RBPJ: variants seen among roughly 807,000 people sequenced by gnomAD.
RBPJ encodes recombination signal binding protein for immunoglobulin kappa J region.
A neutral mutation model predicts 67.8 loss-of-function variants in RBPJ; 9 were observed. The observed-to-expected ratio is 0.13, with a 90% CI of 0.08 to 0.23. RBPJ has a LOEUF of 0.23. Among genes scored for constraint, RBPJ ranks in the 10% least tolerant of loss-of-function variants. The pLI is 1.00. For synonymous variants in RBPJ, 198 were observed against 203.3 expected, an observed-to-expected ratio of 0.97 and a Z score of 0.22; for missense variants, 305 against 595.6, an observed-to-expected ratio of 0.51 and a Z score of 5.08.
chr4:26,321,073 C>T (rs1722977706), intron 1 of RBPJ, 25 bp downstream of exon 1: 3 of 1,570,078 alleles, frequency 1.9e-6, no homozygotes, highest in African/African-American at 1.4e-5. Flanking sequence ...ATCGGAGCGC[C>T]GGGAACCGGG....
chr4:26,376,359 T>A (rs569537459), intron 1 of RBPJ, among the ~76,000 whole-genome samples: 10 of 152,236 alleles, frequency 6.6e-5, no homozygotes, highest in South Asian at 4.1e-4. Context: ...TAGGACCTCA[T>A]ATAAGTGGAA....
intron 1 of RBPJ, among the ~76,000 whole-genome samples, chr4:26,266,581 A>G (rs1257573190): frequency 1.3e-5 from 2 of 152,184 alleles, no homozygotes; most frequent in African/African-American, 2.4e-5. Flanking sequence ...CACTTCTTAC[A>G]TGGGGGTGTT....
At chr4:26,131,716 A>G in the RBPJ span, among the ~76,000 whole-genome samples, 2 of 152,244 alleles carry the variant, frequency 1.3e-5, no homozygotes, top group African/African-American at 2.4e-5. Context: ...TTTGATCAAG[A>G]CAGAATGGTG....
intron 1 of RBPJ, among the ~76,000 whole-genome samples, chr4:26,301,465 G>A (rs1262686394): frequency 2.0e-5 from 3 of 151,698 alleles, no homozygotes; most frequent in Admixed American, 6.6e-5. Context: ...GGTGGCGGGC[G>A]CCTGTAGTTC....
chr4:26,161,271 A>G (rs1716071127), upstream of RBPJ, among the ~76,000 whole-genome samples: 1 of 152,368 alleles, frequency 6.6e-6, no homozygotes, highest in South Asian at 2.1e-4. Flanking sequence ...AGCTAAGATC[A>G]TCCTACATCA....
rs1012069368 is a variant in RBPJ at position 26,422,515 on chromosome 4, A to G, written c.496+1790A>G. ...CTTGTTTACTCATTTGCAGAATAATAACATTCCTTGAAAGTGACCAGTGGG... is the reference window on the plus strand; with the variant it reads ...CTTGTTTACTCATTTGCAGAATAATGACATTCCTTGAAAGTGACCAGTGGG... On this transcript the variant is annotated intron_variant, in intron 5 of 10. Transcript: ENST00000355476. 1.1e-4 allele frequency among the ~76,000 whole-genome samples: 16 copies of G among 152,214 alleles called. 1 individual carries two copies. Among genetic ancestry groups the G allele is most frequent in the African/African-American group, 3.9e-4 (16 of 41,458 alleles).
chr4:26,319,762 C>T (rs1271235323), upstream of RBPJ: 6 of 1,064,292 alleles, frequency 5.6e-6, no homozygotes, highest in East Asian at 1.4e-4. Flanking sequence ...CCTGCAGCGC[C>T]TTCAACAGGT....
chr4:26,274,873 GC>G (rs1431499051), intron 1 of RBPJ, among the ~76,000 whole-genome samples: 1 of 152,140 alleles, frequency 6.6e-6, no homozygotes, highest in Non-Finnish European at 1.5e-5. Context: ...GGCGGAGGTT[GC>G]AGTGAGCTGA....
intron 1 of RBPJ, among the ~76,000 whole-genome samples, chr4:26,295,677 C>T (rs77692257): frequency 0.012 from 1,814 of 152,256 alleles, 35 homozygotes; most frequent in African/African-American, 0.041. Context: ...TCACCTCCTT[C>T]CCCATAGCCC....
intron 1 of RBPJ, among the ~76,000 whole-genome samples, chr4:26,221,408 G>C (rs907809707): frequency 6.6e-6 from 1 of 151,976 alleles, no homozygotes; most frequent in Non-Finnish European, 1.5e-5. Context: ...ATCTTAAAGG[G>C]GAAGAATTCT....
At chr4:26,352,390 A>G (rs1176512932) in intron 1 of RBPJ, among the ~76,000 whole-genome samples, 1 of 152,164 alleles carries the variant, frequency 6.6e-6, no homozygotes, top group Non-Finnish European at 1.5e-5. Context: ...TGCCTTTATG[A>G]CCTAATCACC....
chr4:26,400,811 CTG>C (rs1732698195), intron 2 of RBPJ, among the ~76,000 whole-genome samples: 1 of 152,186 alleles, frequency 6.6e-6, no homozygotes. Flanking sequence ...ATCATAAGCA[CTG>C]TGAGGTCTTT....
chr4:26,364,625 C>CTTTTTTTTTTTTTTTTTTTTTTCTTTTT (rs932946481), intron 1 of RBPJ, among the ~76,000 whole-genome samples: 1 of 105,516 alleles, frequency 9.5e-6, no homozygotes, highest in African/African-American at 3.5e-5. Flanking sequence ...TTTTCATTTT[C>CTTTTTTTTTTTTTTTTTTTTTTCTTTTT]TTTTTTTTTT....
upstream of RBPJ, chr4:26,320,718 A>T (rs1478326293): frequency 1.3e-6 from 2 of 1,546,694 alleles, no homozygotes; most frequent in Non-Finnish European, 1.7e-6. Flanking sequence ...TACGTCCCTC[A>T]AAGCGCGTCC....
At chr4:26,354,852 CT>C (rs1292838512) in intron 1 of RBPJ, among the ~76,000 whole-genome samples, 2 of 151,994 alleles carry the variant, frequency 1.3e-5, no homozygotes, top group Admixed American at 1.3e-4. Context: ...GGCTTTTTTC[CT>C]TTGGGTACAA....
In RBPJ at chr4:26,431,437, T is replaced by G. The variant is rs796395066; in HGVS notation, c.*430T>G. 4 of 161,404 alleles carry G rather than the reference T, an allele frequency of 2.5e-5. No homozygotes were observed. The highest frequency in any genetic ancestry group is 9.6e-5 in the African/African-American group (4 of 41,576). 10.0% of individuals were successfully genotyped at this position (161,404 alleles called of 1,614,324 possible). On this transcript the variant is annotated 3_prime_UTR_variant, in exon 11 of 11. Transcript: ENST00000355476. The stretch of plus-strand genomic sequence containing the variant: ...GTAAAAGGTACATTTTCACCATACC[T>G]TTTTTTATATCACGGTATTATAGTA...
At position 26,432,519 on chromosome 4, in the gene RBPJ, A is replaced by G. The variant is rs1438923737; in HGVS notation, c.*1512A>G. 6.6e-6 allele frequency: 1 copy of G among 152,148 alleles called. No homozygotes were observed. Among genetic ancestry groups the G allele is most frequent in the African/African-American group, 2.4e-5 (1 of 41,426 alleles). 9.4% of individuals were successfully genotyped at this position (152,148 alleles called of 1,614,324 possible). The stretch of plus-strand genomic sequence containing the variant: ...GAGATTTGGTTGCATTCAGGGTTGT[A>G]GGTTGGCCTTGCTTGCTAACCCCGC... On this transcript the variant is annotated 3_prime_UTR_variant, in exon 11 of 11. Transcript: ENST00000355476.
At chr4:26,338,126 A>G (rs754966306) in intron 1 of RBPJ, among the ~76,000 whole-genome samples, 15 of 108,978 alleles carry the variant, frequency 1.4e-4, no homozygotes, top group Non-Finnish European at 2.6e-4. Context: ...CCCTAACATT[A>G]TGGAAACATT....
At chr4:26,171,922 T>A (rs1716602716) in intron 1 of RBPJ, among the ~76,000 whole-genome samples, 1 of 152,176 alleles carries the variant, frequency 6.6e-6, no homozygotes, top group African/African-American at 2.4e-5. Context: ...TTAGGTCCGT[T>A]CTGATGTATA....
Sources: gnomAD v4.1 joint callset for allele counts (sites outside exome capture counted in the v4.1 genomes callset) on GRCh38, gnomAD v4.1.1 for gene constraint, MANE v1.5 for transcripts, NCBI Gene and HGNC (gene_info 2026-07-23, HGNC 2026-07-21) for gene names.